The following ACER3 variants were observed in gnomAD, a reference collection of about 807,000 sequenced individuals.
ACER3 encodes the protein alkaline ceramidase 3, also known as alkCDase 3.
A neutral mutation model predicts 48.9 loss-of-function variants in ACER3; 16 were observed. The ratio of observed to expected loss-of-function variants is 0.33; its 90% CI spans 0.22 to 0.50. The LOEUF is 0.50. ACER3 is among the 20% of genes least tolerant of loss of function. ACER3 has a pLI of 0.98. For synonymous variants in ACER3, 109 were observed against 107.8 expected (o/e 1.01, Z -0.07); for missense variants, 227 against 326.0 (o/e 0.70, Z 2.34).
intron 2 of ACER3, among the ~76,000 whole-genome samples, chr11:76,935,386 A>T (rs1947151023): frequency 6.6e-6 from 1 of 152,198 alleles, no homozygotes; most frequent in African/African-American, 2.4e-5. Flanking sequence ...GTATATTGAA[A>T]GGTCCAATTT....
intron 2 of ACER3, among the ~76,000 whole-genome samples, chr11:76,932,658 T>G (rs923162321): frequency 7.9e-5 from 12 of 152,094 alleles, no homozygotes; most frequent in African/African-American, 2.7e-4. Flanking sequence ...CAGAAAAACA[T>G]AGAGATTAAT....
chr11:76,872,576 C>A (rs1945268764), intron 1 of ACER3, among the ~76,000 whole-genome samples: 1 of 152,092 alleles, frequency 6.6e-6, no homozygotes, highest in African/African-American at 2.4e-5. Context: ...AGTGGTGAAG[C>A]CTAGATCAGA....
intron 5 of ACER3, among the ~76,000 whole-genome samples, chr11:76,987,832 C>T (rs999813407): frequency 6.6e-6 from 1 of 152,076 alleles, no homozygotes; most frequent in African/African-American, 2.4e-5. Context: ...CCCAGCTACT[C>T]AGGAAGCTGA....
chr11:76,987,597 C>T (rs1308988162), intron 5 of ACER3, among the ~76,000 whole-genome samples: 1 of 152,042 alleles, frequency 6.6e-6, no homozygotes, highest in African/African-American at 2.4e-5. Context: ...ATAGATAGTA[C>T]AAAAATATGA....
rs537309536 is a variant in ACER3, at chr11:76,959,224, A to T, written c.267+193A>T. 2.0e-6 allele frequency: 3 copies of T among 1,465,376 alleles called. No homozygotes were observed. In the East Asian group the frequency reaches 7.9e-5, roughly 39 times the overall value. 90.8% of individuals were successfully genotyped at this position (1,465,376 alleles called of 1,614,324 possible). ...AGGTGAGTCCATAAGGAAAACAAGT[A>T]CAAATAGTATAGGGCTTTTTGACCA... On this transcript the variant is annotated intron_variant, in intron 3 of 10. Transcript: ENST00000532485.
At chr11:76,997,389 GA>G (rs1440258750) in intron 6 of ACER3, among the ~76,000 whole-genome samples, 1 of 152,098 alleles carries the variant, frequency 6.6e-6, no homozygotes, top group African/African-American at 2.4e-5. Flanking sequence ...CCCTTTACTA[GA>G]TTGTGATTGC....
chr11:77,011,340 C>G (rs1949259443), intron 7 of ACER3: 6 of 985,452 alleles, frequency 6.1e-6, no homozygotes, highest in Non-Finnish European at 6.0e-6. Context: ...AAGAGTATTG[C>G]TTTGAACTGC....
chr11:76,940,141 A>T (rs1436916481), intron 2 of ACER3, among the ~76,000 whole-genome samples: 2 of 152,104 alleles, frequency 1.3e-5, no homozygotes, highest in African/African-American at 4.8e-5. Context: ...TTTATTTTAG[A>T]TACTTAAATT....
At chr11:76,969,228 T>A (rs1156394458) in intron 3 of ACER3, among the ~76,000 whole-genome samples, 8 of 152,114 alleles carry the variant, frequency 5.3e-5, no homozygotes, top group African/African-American at 1.7e-4. Context: ...AGAAATGCAA[T>A]TCAAAACCAC....
Position 76,948,225 on chromosome 11 carries a change from G to A in ACER3, c.215-10754G>A, listed in dbSNP as rs906563471. On this transcript the variant is annotated intron_variant, in intron 2 of 10. Transcript: ENST00000532485. ...TCTGGCTCACTCTGTGTGTGTGTGT[G>A]TGTGTGTGTGTGTGTGTGTGTGTGT... is the stretch of plus-strand genomic sequence containing the variant. Among the ~76,000 whole-genome samples the A allele has an allele frequency of 6.9e-3, 967 of 140,482 alleles. 17 individuals are homozygous for A. Among genetic ancestry groups the A allele is most frequent in the African/African-American group, 6.0e-3 (197 of 32,660 alleles). 92.2% of individuals were successfully genotyped at this position (140,482 alleles called of 152,430 possible). A position where few individuals can be genotyped will look rare whatever the true frequency, so the allele number is the denominator to read the frequency against.
intron 4 of ACER3, among the ~76,000 whole-genome samples, chr11:76,984,554 T>C (rs905891739): frequency 2.0e-5 from 3 of 152,152 alleles, no homozygotes; most frequent in Non-Finnish European, 1.5e-5. Flanking sequence ...TCCTCAAAGG[T>C]TGGATTGGAT....
Position 77,019,658 on chromosome 11 carries a change from G to A in ACER3, c.705-73G>A, listed in dbSNP as rs547660545. The A allele has an allele frequency of 1.1e-4, 152 of 1,441,986 alleles. 2 individuals are homozygous for A. In the South Asian group the frequency reaches 1.5e-3, roughly 14 times the overall value. The allele number at this position is 1,441,986 out of a possible 1,614,324, so 89.3% of individuals were successfully genotyped here. A position where few individuals can be genotyped will look rare whatever the true frequency, so the allele number is the denominator to read the frequency against. ...GTACATGCAGAAGCACTATGGTTAC[G>A]TTTGTCAGTACGCCAGTTTGCATGA... On this transcript the variant is annotated intron_variant, in intron 9 of 10. Transcript: ENST00000532485.
At chr11:76,929,000 A>G (rs930331158) in intron 2 of ACER3, among the ~76,000 whole-genome samples, 27 of 152,288 alleles carry the variant, frequency 1.8e-4, no homozygotes, top group African/African-American at 6.5e-4. Flanking sequence ...CTGTGAAGAA[A>G]GTCATTGGTA....
chr11:76,888,993 A>G (rs1565160496), intron 1 of ACER3, among the ~76,000 whole-genome samples: 2 of 152,304 alleles, frequency 1.3e-5, no homozygotes, highest in South Asian at 2.1e-4. Context: ...CCCTGTAACC[A>G]GGTCAATAAA....
intron 2 of ACER3, among the ~76,000 whole-genome samples, chr11:76,957,046 C>A (rs1947858849): frequency 6.6e-6 from 1 of 152,114 alleles, no homozygotes; most frequent in African/African-American, 2.4e-5. Context: ...TTAATCTGTA[C>A]CATCATTCTT....
At chr11:76,941,060 G>C (rs1438653149) in intron 2 of ACER3, among the ~76,000 whole-genome samples, 1 of 150,560 alleles carries the variant, frequency 6.6e-6, no homozygotes, top group Non-Finnish European at 1.5e-5. Context: ...CACGCACACA[G>C]AAAGCAGGGA....
At chr11:77,014,546 G>A (rs1258032491) in intron 7 of ACER3, among the ~76,000 whole-genome samples, 4 of 152,142 alleles carry the variant, frequency 2.6e-5, no homozygotes, top group African/African-American at 9.7e-5. Flanking sequence ...TGGAGCATAT[G>A]ACTCAACCTA....
At chr11:76,863,126 C>T (rs1260389566) in intron 1 of ACER3, among the ~76,000 whole-genome samples, 3 of 152,116 alleles carry the variant, frequency 2.0e-5, no homozygotes, top group Non-Finnish European at 4.4e-5. Context: ...ACTTAGGAGA[C>T]TGAGGTGGGA....
intron 3 of ACER3, among the ~76,000 whole-genome samples, chr11:76,963,793 G>T (rs1948062489): frequency 6.6e-6 from 1 of 151,482 alleles, no homozygotes; most frequent in Non-Finnish European, 1.5e-5. Flanking sequence ...AGGTTGAAAA[G>T]TAAGCCACAT....
Sources: allele counts gnomAD v4.1 joint callset (sites outside exome capture counted in the v4.1 genomes callset), GRCh38; gene constraint gnomAD v4.1.1; transcripts MANE v1.5; gene names NCBI Gene and HGNC (gene_info 2026-07-23, HGNC 2026-07-21).